Variants in GFRA2 observed in about 807,000 individuals in gnomAD.
The protein encoded by GFRA2 is GDNF family receptor alpha-2.
In GFRA2, 17 loss-of-function variants were observed where a neutral mutation model predicts 48.3. The observed-to-expected ratio is 0.35, with a 90% CI of 0.24 to 0.53. GFRA2 has a LOEUF of 0.53. Among genes scored for constraint, GFRA2 ranks in the 20% least tolerant of loss-of-function variants. GFRA2 has a pLI of 0.93. For missense variants in GFRA2, 660 were observed against 637.3 expected (o/e 1.04, Z -0.38); for synonymous variants, 305 against 257.2 (o/e 1.19, Z -1.78).
At chr8:21,794,736 G>C (rs1807637839) in intron 2 of GFRA2, among the ~76,000 whole-genome samples, 1 of 151,984 alleles carries the variant, frequency 6.6e-6, no homozygotes, top group Non-Finnish European at 1.5e-5. Context: ...CCTCCTACTG[G>C]CAAGTTGACC....
At position 21,705,157 on chromosome 8, in the gene GFRA2, G is replaced by C. The variant is rs187556321; in HGVS notation, c.905-32C>G. Reference sequence around the variant, plus strand: ...AGGAAGAAAGGTGGGGGAGAGGAGAGAGGTACGGTGGGGCCTTCCCCTTGG... The same window carrying C: ...AGGAAGAAAGGTGGGGGAGAGGAGACAGGTACGGTGGGGCCTTCCCCTTGG... On this transcript the variant is annotated intron_variant, in intron 5 of 8. Transcript: ENST00000524240. The C allele has an allele frequency of 1.8e-4, 294 of 1,589,772 alleles. 3 individuals carry two copies. The highest frequency in any genetic ancestry group is 8.3e-4 in the East Asian group (37 of 44,656).
upstream of GFRA2, among the ~76,000 whole-genome samples, chr8:21,790,269 C>G (rs1807531193): frequency 6.6e-6 from 1 of 152,218 alleles, no homozygotes; most frequent in Admixed American, 6.5e-5. Context: ...GTTCCTCGCA[C>G]TCAGCTCGGC....
Position 21,705,871 on chromosome 8 carries a change from T to G in GFRA2, c.904+61A>C. On this transcript the variant is annotated intron_variant, in intron 5 of 8. Transcript: ENST00000524240. ...TGGCCCTGAGCTGGGCTGCGGCCCCTGCCCTGCTGAGATGGGGGCAGCAAG... is the reference window on the plus strand; with the variant it reads ...TGGCCCTGAGCTGGGCTGCGGCCCCGGCCCTGCTGAGATGGGGGCAGCAAG... 3.4e-6 allele frequency: 4 copies of G among 1,160,620 alleles called. No homozygotes were observed. In the South Asian group the frequency reaches 5.4e-5, roughly 16 times the overall value. The allele number at this position is 1,160,620 out of a possible 1,614,324, so 71.9% of individuals were successfully genotyped here.
At chr8:21,762,271 C>A (rs910650472) in intron 3 of GFRA2, among the ~76,000 whole-genome samples, 6 of 152,198 alleles carry the variant, frequency 3.9e-5, no homozygotes, top group African/African-American at 1.4e-4. Flanking sequence ...CATCAGTGTC[C>A]CCGTCCCCAG....
chr8:21,738,969 T>C (rs1287844490), intron 4 of GFRA2, among the ~76,000 whole-genome samples: 6 of 152,176 alleles, frequency 3.9e-5, no homozygotes. Context: ...CTCCGTGCTG[T>C]GAAGAACATG....
chr8:21,746,821 G>GA (rs1477757806), intron 4 of GFRA2, among the ~76,000 whole-genome samples: 1 of 151,302 alleles, frequency 6.6e-6, no homozygotes, highest in Admixed American at 6.6e-5. Flanking sequence ...GAAGGAAAAA[G>GA]AAAAAATGCT....
chr8:21,755,910 C>G (rs1805544942), intron 3 of GFRA2, among the ~76,000 whole-genome samples: 2 of 152,226 alleles, frequency 1.3e-5, no homozygotes, highest in Admixed American at 1.3e-4. Context: ...CAGAAGGATC[C>G]CAGGATGCCT....
chr8:21,694,353 C>A, intron 8 of GFRA2, 111 bp downstream of exon 8: 1 of 1,067,506 alleles, frequency 9.4e-7, no homozygotes, highest in Non-Finnish European at 1.4e-6. Context: ...GCTCAGCTGG[C>A]CCAGCCCATG....
At chr8:21,714,381 T>G (rs1158990685) in intron 4 of GFRA2, among the ~76,000 whole-genome samples, 4 of 150,864 alleles carry the variant, frequency 2.7e-5, no homozygotes, top group African/African-American at 9.8e-5. Flanking sequence ...CCGGAGCAGC[T>G]GGAATTATAG....
chr8:21,805,063 G>A (rs191637746), exon 2 of GFRA2: 14 of 152,200 alleles, frequency 9.2e-5, no homozygotes, highest in African/African-American at 2.7e-4. Flanking sequence ...AACAGCAGTT[G>A]TCTCCGGGTG....
chr8:21,780,211 G>A (rs768653833), intron 2 of GFRA2, among the ~76,000 whole-genome samples: 7,149 of 151,970 alleles, frequency 0.047, 218 homozygotes, highest in Non-Finnish European at 0.072. Context: ...AGGAGGGCCC[G>A]GGGAAAGGTC....
At chr8:21,792,092 C>T (rs1807583049), upstream of GFRA2, among the ~76,000 whole-genome samples, 1 of 152,182 alleles carries the variant, frequency 6.6e-6, no homozygotes, top group African/African-American at 2.4e-5. Flanking sequence ...GAGGGAAAGG[C>T]AACACCGAAT....
chr8:21,714,102 G>A (rs934995784), intron 4 of GFRA2, among the ~76,000 whole-genome samples: 22 of 152,066 alleles, frequency 1.4e-4, no homozygotes, highest in Admixed American at 1.2e-3. Flanking sequence ...AAGTATACAG[G>A]AAATTGTTAT....
At chr8:21,791,832 G>C (rs1022826020), upstream of GFRA2, among the ~76,000 whole-genome samples, 41 of 152,344 alleles carry the variant, frequency 2.7e-4, 1 homozygote, top group Middle Eastern at 0.01. Flanking sequence ...GAAACAAAAA[G>C]CTACAGGGGT....
intron 4 of GFRA2, among the ~76,000 whole-genome samples, chr8:21,719,628 GATGACT>G (rs1803498917): frequency 1.3e-5 from 2 of 152,190 alleles, no homozygotes. Context: ...ATTCAGTGAG[GATGACT>G]TATTATTGTG....
At chr8:21,693,837 A>G (rs185027755) in intron 8 of GFRA2, among the ~76,000 whole-genome samples, 95 of 596 alleles carry the variant, frequency 0.16, 1 homozygote, top group African/African-American at 0.3. Context: ...GGGAGCCCAC[A>G]TTCGCCCTGT....
intron 4 of GFRA2, among the ~76,000 whole-genome samples, chr8:21,720,816 G>A (rs139855576): frequency 3.2e-3 from 492 of 152,172 alleles, no homozygotes; most frequent in Non-Finnish European, 5.7e-3. Flanking sequence ...TCCAGTTATC[G>A]CACTGGCATC....
chr8:21,776,758 A>C (rs1806726611), intron 2 of GFRA2, among the ~76,000 whole-genome samples: 3 of 152,024 alleles, frequency 2.0e-5, no homozygotes, highest in Non-Finnish European at 4.4e-5. Flanking sequence ...GGAGTGAGCC[A>C]CCGCGCCCAG....
intron 4 of GFRA2, among the ~76,000 whole-genome samples, chr8:21,708,079 A>G (rs4237070): frequency 0.75 from 113,692 of 152,176 alleles, 42,813 homozygotes; most frequent in African/African-American, 0.82. Flanking sequence ...CAAGGTGGGC[A>G]CCATTTCTGG....
Sources: gnomAD v4.1 joint callset for allele counts (sites outside exome capture counted in the v4.1 genomes callset) on GRCh38, gnomAD v4.1.1 for gene constraint, MANE v1.5 for transcripts, NCBI Gene and HGNC (gene_info 2026-07-23, HGNC 2026-07-21) for gene names.